The following ADGRL2 variants were observed in gnomAD, a reference collection of about 807,000 sequenced individuals.
ADGRL2 encodes the protein calcium-independent alpha-latrotoxin receptor 2.
A neutral mutation model predicts 157.4 loss-of-function variants in ADGRL2; 44 were observed. The ratio of observed to expected loss-of-function variants is 0.28; its 90% CI spans 0.22 to 0.36. The LOEUF (loss-of-function observed/expected upper bound fraction) is 0.36. ADGRL2 is among the 10% of genes least tolerant of loss of function. The pLI, the probability that ADGRL2 is intolerant of heterozygous loss-of-function variation, is 1.00. For missense variants in ADGRL2, 1,510 were observed against 1,768.9 expected, an observed-to-expected ratio of 0.85 and a Z score of 2.63; for synonymous variants, 585 against 624.7, an observed-to-expected ratio of 0.94 and a Z score of 0.95.
At chr1:81,698,534 G>T (rs957472978), upstream of ADGRL2, among the ~76,000 whole-genome samples, 4 of 152,168 alleles carry the variant, frequency 2.6e-5, no homozygotes, top group Admixed American at 6.5e-5. Context: ...TATTTTGTAA[G>T]AAATTTTTGC....
chr1:81,912,988 GA>G (rs2094768608), intron 3 of ADGRL2, among the ~76,000 whole-genome samples: 1 of 152,132 alleles, frequency 6.6e-6, no homozygotes, highest in African/African-American at 2.4e-5. Flanking sequence ...ATGAGAAAGA[GA>G]AAAAAATCTA....
intron 2 of ADGRL2, chr1:81,505,950 A>T (rs2148050289): frequency 4.2e-6 from 1 of 238,920 alleles, no homozygotes; most frequent in South Asian, 5.2e-5. Flanking sequence ...CTCTGCAAAG[A>T]TCATTGCACG....
At chr1:81,412,507 G>A (rs1297465388) in intron 1 of ADGRL2, among the ~76,000 whole-genome samples, 1 of 152,120 alleles carries the variant, frequency 6.6e-6, no homozygotes, top group Non-Finnish European at 1.5e-5. Flanking sequence ...TCATAGTGTA[G>A]TGCTATCATG....
At chr1:81,684,270 G>C (rs774926666) in intron 3 of ADGRL2, among the ~76,000 whole-genome samples, 4 of 152,140 alleles carry the variant, frequency 2.6e-5, no homozygotes, top group Non-Finnish European at 4.4e-5. Context: ...AGTGTTCCCT[G>C]ATCACCGTAT....
At chr1:81,493,843 A>G (rs1022970919) in intron 2 of ADGRL2, among the ~76,000 whole-genome samples, 2 of 152,158 alleles carry the variant, frequency 1.3e-5, no homozygotes, top group African/African-American at 4.8e-5. Flanking sequence ...GACGCTATAC[A>G]CTTATTCAAA....
intron 1 of ADGRL2, among the ~76,000 whole-genome samples, chr1:81,417,342 C>T (rs555087769): frequency 6.6e-6 from 1 of 152,018 alleles, no homozygotes; most frequent in Non-Finnish European, 1.5e-5. Flanking sequence ...AATTTTGGTT[C>T]ATTAACTTTA....
At chr1:81,455,480 T>C (rs1367722723) in intron 2 of ADGRL2, among the ~76,000 whole-genome samples, 2 of 152,182 alleles carry the variant, frequency 1.3e-5, no homozygotes, top group Non-Finnish European at 2.9e-5. Flanking sequence ...AACGTACCAA[T>C]GCACAGAAAT....
At chr1:81,461,939 G>C (rs1205968681) in intron 2 of ADGRL2, among the ~76,000 whole-genome samples, 5 of 145,922 alleles carry the variant, frequency 3.4e-5, no homozygotes, top group South Asian at 2.3e-4. Flanking sequence ...AAGGGGGGGG[G>C]GGGTGGTGGA....
At chr1:81,960,989 T>C (rs1157547885) in intron 11 of ADGRL2, among the ~76,000 whole-genome samples, 2 of 152,228 alleles carry the variant, frequency 1.3e-5, no homozygotes, top group Non-Finnish European at 2.9e-5. Flanking sequence ...CCTAGGCTGA[T>C]GCCAGCTCCT....
At chr1:81,934,523 T>A (rs1255492047) in intron 3 of ADGRL2, among the ~76,000 whole-genome samples, 1 of 151,944 alleles carries the variant, frequency 6.6e-6, no homozygotes, top group Non-Finnish European at 1.5e-5. Context: ...TTTGAGTTAC[T>A]TTCTCCTTCA....
intron 3 of ADGRL2, among the ~76,000 whole-genome samples, chr1:81,625,438 T>C (rs1341429409): frequency 6.6e-6 from 1 of 152,180 alleles, no homozygotes; most frequent in Non-Finnish European, 1.5e-5. Context: ...TTCTTCCTTA[T>C]ATGTTTTTTC....
At chr1:81,380,550 A>C (rs2076326488) in intron 1 of ADGRL2, among the ~76,000 whole-genome samples, 1 of 152,184 alleles carries the variant, frequency 6.6e-6, no homozygotes, top group African/African-American at 2.4e-5. Flanking sequence ...TTGGAATATA[A>C]TATGAGGTGA....
rs371184768 is a variant in ADGRL2 at position 81,966,188 on chromosome 1, G to T, written c.2143+5G>T. 26 of 1,613,622 alleles carry T rather than the reference G, an allele frequency of 1.6e-5. No individual in the cohort carries two copies. Among genetic ancestry groups the T allele is most frequent in the Non-Finnish European group, 2.1e-5 (25 of 1,179,900 alleles). ...TCAAACAGAACAGCAGGAATGGTAA[G>T]GTGGAAGTCTTTTAAAAATTGACAG... On this transcript the variant is annotated splice_donor_5th_base_variant and intron_variant, in intron 12 of 23. Transcript: ENST00000686636.
At chr1:81,563,620 A>T (rs947610078) in intron 2 of ADGRL2, among the ~76,000 whole-genome samples, 6 of 151,938 alleles carry the variant, frequency 3.9e-5, no homozygotes, top group Middle Eastern at 3.4e-3. Context: ...CTAAAAACTC[A>T]CTCTTTTTTT....
At chr1:81,311,901 A>G (rs925956078) in intron 1 of ADGRL2, among the ~76,000 whole-genome samples, 2 of 152,200 alleles carry the variant, frequency 1.3e-5, no homozygotes, top group Non-Finnish European at 2.9e-5. Flanking sequence ...ACAGAAATAT[A>G]GAAGACAGTG....
chr1:81,486,411 A>C (rs2078501451), intron 2 of ADGRL2, among the ~76,000 whole-genome samples: 1 of 152,140 alleles, frequency 6.6e-6, no homozygotes, highest in African/African-American at 2.4e-5. Flanking sequence ...GGCAATCCAA[A>C]AGAGAATAGC....
At chr1:81,565,767 T>A (rs1157033728) in intron 2 of ADGRL2, among the ~76,000 whole-genome samples, 2 of 152,174 alleles carry the variant, frequency 1.3e-5, no homozygotes, top group African/African-American at 2.4e-5. Flanking sequence ...TCTTCTTTAG[T>A]GGCCCAGATT....
intron 3 of ADGRL2, among the ~76,000 whole-genome samples, chr1:81,624,124 C>T (rs1450262041): frequency 1.3e-5 from 2 of 152,114 alleles, no homozygotes; most frequent in East Asian, 1.9e-4. Context: ...TCCCAGAGAC[C>T]TCAAAGGGAC....
intron 2 of ADGRL2, among the ~76,000 whole-genome samples, chr1:81,504,918 G>C (rs1221992257): frequency 6.6e-6 from 1 of 152,184 alleles, no homozygotes; most frequent in Admixed American, 6.5e-5. Context: ...GGAGCAGGCG[G>C]CTCCTGTGCT....
Sources: allele counts gnomAD v4.1 joint callset (sites outside exome capture counted in the v4.1 genomes callset), GRCh38; gene constraint gnomAD v4.1.1; transcripts MANE v1.5; gene names NCBI Gene and HGNC (gene_info 2026-07-23, HGNC 2026-07-21).